The following TBXAS1 variants were observed in gnomAD, a reference collection of about 807,000 sequenced individuals.
TBXAS1 encodes the protein thromboxane A synthase 1, also known as thromboxane-A synthase.
TBXAS1 carries 48 observed loss-of-function variants against 60.7 expected under a neutral mutation model. The ratio of observed to expected loss-of-function variants is 0.79; its 90% CI spans 0.63 to 1.01. The LOEUF (loss-of-function observed/expected upper bound fraction) is 1.01. TBXAS1 is among the 50% of genes least tolerant of loss of function. The pLI, the probability that TBXAS1 is intolerant of heterozygous loss-of-function variation, is 0.00. For missense variants in TBXAS1, 685 were observed against 686.3 expected, an observed-to-expected ratio of 1.00 and a Z score of 0.02; for synonymous variants, 287 against 269.7, an observed-to-expected ratio of 1.06 and a Z score of -0.63.
In TBXAS1 at chr7:139,875,585, G is replaced by T. The variant is rs963029671; in HGVS notation, c.184G>T (p.Gly62Cys). The change falls in exon 3 of 13, where the codon GGT (glycine) becomes TGT (cysteine). Residue 62 changes from glycine (G) to cysteine (C), a missense_variant and splice_region_variant. Transcript: ENST00000448866. ...FIGNLTFFRQ[G>C]FWESQMELRK... ...TACTATAGTGCTGTGTTTCCTTCAG[G>T]GTTTTTGGGAAAGCCAAATGGAGCT... 1.9e-6 allele frequency: 3 copies of T among 1,613,892 alleles called. No homozygotes were observed. Among genetic ancestry groups the T allele is most frequent in the Admixed American group, 1.7e-5 (1 of 59,998 alleles).
At chr7:139,994,384 C>T (rs1280507115) in intron 9 of TBXAS1, among the ~76,000 whole-genome samples, 1 of 152,216 alleles carries the variant, frequency 6.6e-6, no homozygotes, top group African/African-American at 2.4e-5. Flanking sequence ...CTCCCAATGC[C>T]AGCTGAGAGT....
At chr7:139,992,869 T>A (rs1164435026) in intron 9 of TBXAS1, among the ~76,000 whole-genome samples, 1 of 152,156 alleles carries the variant, frequency 6.6e-6, no homozygotes, top group Non-Finnish European at 1.5e-5. Context: ...TGTCTCTTCC[T>A]CTTTTTAAAA....
At chr7:139,902,836 T>C (rs1240343802) in intron 3 of TBXAS1, among the ~76,000 whole-genome samples, 1 of 152,190 alleles carries the variant, frequency 6.6e-6, no homozygotes, top group African/African-American at 2.4e-5. Flanking sequence ...GTGGTTTTAA[T>C]TTGAACTTCA....
At chr7:139,905,045 T>C (rs926629171) in intron 3 of TBXAS1, among the ~76,000 whole-genome samples, 133 of 88,430 alleles carry the variant, frequency 1.5e-3, no homozygotes, top group South Asian at 7.6e-3. Flanking sequence ...CTTTCTTTCT[T>C]TCTTTCTTTC....
At chr7:139,908,977 A>G (rs533591363) in intron 3 of TBXAS1, among the ~76,000 whole-genome samples, 11 of 152,298 alleles carry the variant, frequency 7.2e-5, no homozygotes, top group Non-Finnish European at 1.2e-4. Context: ...TCCTTTCAGC[A>G]CTTGAAAAAT....
At chr7:139,988,372 G>A (rs996758310) in intron 9 of TBXAS1, among the ~76,000 whole-genome samples, 14 of 152,288 alleles carry the variant, frequency 9.2e-5, no homozygotes, top group South Asian at 6.2e-4. Flanking sequence ...TCACACTTGC[G>A]CTGTTCTGAC....
chr7:139,868,683 G>A (rs537387736), intron 1 of TBXAS1, among the ~76,000 whole-genome samples: 1 of 147,714 alleles, frequency 6.8e-6, no homozygotes, highest in Admixed American at 6.8e-5. Flanking sequence ...TTGAGACAGG[G>A]TCTTGCTTCA....
intron 10 of TBXAS1, among the ~76,000 whole-genome samples, chr7:140,007,679 C>G (rs1814200117): frequency 6.6e-6 from 1 of 152,112 alleles, no homozygotes; most frequent in East Asian, 1.9e-4. Flanking sequence ...CCCAGCTGTC[C>G]CATCCTGGAG....
intron 12 of TBXAS1, among the ~76,000 whole-genome samples, chr7:140,019,505 C>T (rs936563016): frequency 1.3e-5 from 2 of 152,198 alleles, no homozygotes; most frequent in Admixed American, 1.3e-4. Context: ...CTGGGGCCTG[C>T]AGCTTTTTCA....
chr7:140,018,550 C>T (rs1018067557), intron 12 of TBXAS1, among the ~76,000 whole-genome samples: 1 of 152,110 alleles, frequency 6.6e-6, no homozygotes, highest in African/African-American at 2.4e-5. Context: ...ACTTTTCCAG[C>T]CCTATCTCCC....
At chr7:139,863,962 C>T (rs1460781715) in intron 1 of TBXAS1, among the ~76,000 whole-genome samples, 1 of 152,116 alleles carries the variant, frequency 6.6e-6, no homozygotes, top group East Asian at 1.9e-4. Context: ...AACTCTAAAG[C>T]AAAACCTCAC....
intron 4 of TBXAS1, chr7:139,914,055 G>C (rs558005410): frequency 6.8e-6 from 1 of 146,858 alleles, no homozygotes; most frequent in African/African-American, 2.6e-5. Flanking sequence ...TTGGAGACAC[G>C]GTCTTGCTCT....
intron 4 of TBXAS1, among the ~76,000 whole-genome samples, chr7:139,823,032 C>A (rs183283445): frequency 4.0e-4 from 61 of 152,028 alleles, no homozygotes; most frequent in Non-Finnish European, 6.9e-4. Flanking sequence ...TCCCCACTCA[C>A]CCCAGTTTCC....
At chr7:139,949,926 C>G (rs1194927932) in intron 5 of TBXAS1, among the ~76,000 whole-genome samples, 1 of 152,140 alleles carries the variant, frequency 6.6e-6, no homozygotes, top group Non-Finnish European at 1.5e-5. Flanking sequence ...GCACAAGGCT[C>G]TGCACCAGGG....
chr7:139,980,127 A>G (rs1811861023), intron 9 of TBXAS1, among the ~76,000 whole-genome samples: 2 of 152,102 alleles, frequency 1.3e-5, no homozygotes, highest in Non-Finnish European at 2.9e-5. Context: ...GGGTCCTCAG[A>G]CTCCAGAGAT....
chr7:139,853,759 A>G (rs1800389432), intron 1 of TBXAS1, among the ~76,000 whole-genome samples: 1 of 152,184 alleles, frequency 6.6e-6, no homozygotes, highest in Admixed American at 6.5e-5. Flanking sequence ...CAAAGGATTA[A>G]CTGCAGATGA....
intron 9 of TBXAS1, among the ~76,000 whole-genome samples, chr7:140,003,946 G>A (rs898620641): frequency 3.9e-5 from 6 of 152,142 alleles, no homozygotes; most frequent in Non-Finnish European, 5.9e-5. Context: ...GGAACTCCAT[G>A]GGGCACCGAG....
intron 12 of TBXAS1, among the ~76,000 whole-genome samples, chr7:140,019,041 C>G (rs982837987): frequency 2.0e-5 from 3 of 152,184 alleles, no homozygotes; most frequent in Non-Finnish European, 2.9e-5. Flanking sequence ...CACCCGGAAC[C>G]CACTGTTCAG....
chr7:139,840,711 G>A (rs1204643050), intron 1 of TBXAS1, among the ~76,000 whole-genome samples: 1 of 152,178 alleles, frequency 6.6e-6, no homozygotes, highest in African/African-American at 2.4e-5. Flanking sequence ...TTGACGTATT[G>A]TTTCCTTCAG....
Sources: allele counts gnomAD v4.1 joint callset (sites outside exome capture counted in the v4.1 genomes callset), GRCh38; gene constraint gnomAD v4.1.1; transcripts MANE v1.5; gene names NCBI Gene and HGNC (gene_info 2026-07-23, HGNC 2026-07-21).